The following GLO1 variants were observed in gnomAD, a reference collection of about 807,000 sequenced individuals.
The protein encoded by GLO1 is lactoylglutathione lyase.
GLO1 carries 28 observed loss-of-function variants against 26.0 expected under a neutral mutation model. That is an observed-to-expected ratio of 1.08 (90% CI 0.80 to 1.48). The LOEUF (loss-of-function observed/expected upper bound fraction) is 1.48. Ranked by LOEUF, GLO1 falls within the 40% of genes most tolerant of loss-of-function variation. GLO1 has a pLI of 0.00. For missense variants in GLO1, 225 were observed against 224.8 expected, an observed-to-expected ratio of 1.00 and a Z score of -0.01; for synonymous variants, 78 against 77.6, an observed-to-expected ratio of 1.00 and a Z score of -0.03.
chr6:38,699,171 C>T (rs1233770026), intron 1 of GLO1, among the ~76,000 whole-genome samples: 1 of 152,130 alleles, frequency 6.6e-6, no homozygotes, highest in African/African-American at 2.4e-5. Flanking sequence ...AAGTCAGGGA[C>T]CCCGAATGGA....
chr6:38,679,752 C>T (rs1437851638), intron 5 of GLO1, among the ~76,000 whole-genome samples: 1 of 150,640 alleles, frequency 6.6e-6, no homozygotes, highest in African/African-American at 2.5e-5. Flanking sequence ...TATGATCACA[C>T]CACTGCACTC....
At chr6:38,698,406 T>C (rs909736011) in intron 1 of GLO1, among the ~76,000 whole-genome samples, 4 of 149,624 alleles carry the variant, frequency 2.7e-5, no homozygotes, top group Non-Finnish European at 4.4e-5. Context: ...ATCTACCTGA[T>C]TGGAGAGGGA....
intron 5 of GLO1, 142 bp from the exon 6 acceptor site, chr6:38,677,525 T>A (rs1408257832): frequency 3.3e-6 from 2 of 600,466 alleles, no homozygotes; most frequent in Admixed American, 2.9e-5. Flanking sequence ...AGGCTTGACC[T>A]CCTGAGCTCA....
intron 5 of GLO1, among the ~76,000 whole-genome samples, chr6:38,681,714 A>G (rs1761382762): frequency 6.6e-6 from 1 of 152,190 alleles, no homozygotes; most frequent in Non-Finnish European, 1.5e-5. Context: ...TGAAATAGTG[A>G]AAGCTGGTGG....
At chr6:38,685,847 T>C (rs1761453720) in intron 2 of GLO1, among the ~76,000 whole-genome samples, 1 of 152,138 alleles carries the variant, frequency 6.6e-6, no homozygotes, top group Non-Finnish European at 1.5e-5. Context: ...ACAGGAAGTC[T>C]ACATTAGAGC....
chr6:38,702,595 T>C, intron 1 of GLO1, among the ~76,000 whole-genome samples: 1 of 152,214 alleles, frequency 6.6e-6, no homozygotes, highest in East Asian at 1.9e-4. Context: ...AAAACGAGGC[T>C]GGGCAGGACT....
At chr6:38,681,065 A>AAT in intron 5 of GLO1, among the ~76,000 whole-genome samples, 1 of 151,950 alleles carries the variant, frequency 6.6e-6, no homozygotes, top group East Asian at 1.9e-4. Context: ...TTGGATATTA[A>AAT]ATATATATAT....
intron 5 of GLO1, among the ~76,000 whole-genome samples, chr6:38,678,052 A>G (rs1373110086): frequency 6.6e-6 from 1 of 152,204 alleles, no homozygotes; most frequent in East Asian, 1.9e-4. Flanking sequence ...CCCACAACCA[A>G]AAGACCCAGA....
chr6:38,686,816 A>T, intron 2 of GLO1, 76 bp downstream of exon 2: 3 of 817,242 alleles, frequency 3.7e-6, no homozygotes, highest in Non-Finnish European at 4.1e-6. Flanking sequence ...AAACTTTAAG[A>T]TGGGTCTGAA....
chr6:38,693,685 C>CTCTCTCTCTGTATA (rs869232489), intron 1 of GLO1, among the ~76,000 whole-genome samples: 1 of 86,460 alleles, frequency 1.2e-5, no homozygotes, highest in Non-Finnish European at 2.4e-5. Context: ...CTCTCTCTCT[C>CTCTCTCTCTGTATA]TATATATATA....
chr6:38,683,572 G>C (rs1403250307), intron 3 of GLO1, among the ~76,000 whole-genome samples: 2 of 152,038 alleles, frequency 1.3e-5, no homozygotes, highest in South Asian at 2.1e-4. Flanking sequence ...ACAATTTCAG[G>C]GTCTTATATT....
Position 38,703,126 on chromosome 6 carries a change from G to A in GLO1, c.-72C>T. 4 of 895,716 alleles carry A rather than the reference G, an allele frequency of 4.5e-6. No individual in the cohort carries two copies. Among genetic ancestry groups the A allele is most frequent in the Non-Finnish European group, 1.7e-6 (1 of 572,332 alleles). The allele number at this position is 895,716 out of a possible 1,614,324, so 55.5% of individuals were successfully genotyped here. On this transcript the variant is annotated 5_prime_UTR_variant, in exon 1 of 6. Coordinates refer to ENST00000373365, the MANE Select transcript of GLO1 (RefSeq NM_006708.3). ...GTCACCCACACTACGCCTCGGCCCTGTGCCGCCTTAACTAGGAATGGCGCG... is the reference window on the plus strand; with the variant it reads ...GTCACCCACACTACGCCTCGGCCCTATGCCGCCTTAACTAGGAATGGCGCG...
chr6:38,682,921 T>C, intron 3 of GLO1, 46 bp from the exon 4 acceptor site: 1 of 1,102,142 alleles, frequency 9.1e-7, no homozygotes, highest in East Asian at 2.3e-5. Flanking sequence ...AGGGAATAGA[T>C]ATTCTGAAAA....
At chr6:38,684,199 AG>A (rs1761429704) in intron 3 of GLO1, among the ~76,000 whole-genome samples, 174 bp downstream of exon 3, 1 of 152,216 alleles carries the variant, frequency 6.6e-6, no homozygotes, top group Non-Finnish European at 1.5e-5. Context: ...CATTTGCCCA[AG>A]AACAATACAA....
intron 1 of GLO1, among the ~76,000 whole-genome samples, chr6:38,699,660 G>A (rs1392334633): frequency 6.6e-6 from 1 of 152,140 alleles, no homozygotes; most frequent in Admixed American, 6.5e-5. Flanking sequence ...GGGAATGTCT[G>A]TCTTATGAGG....
At chr6:38,699,982 T>A (rs1167931445) in intron 1 of GLO1, among the ~76,000 whole-genome samples, 1 of 152,158 alleles carries the variant, frequency 6.6e-6, no homozygotes, top group Non-Finnish European at 1.5e-5. Flanking sequence ...CTTTGAAGCA[T>A]GTGATCTTTG....
intron 2 of GLO1, among the ~76,000 whole-genome samples, chr6:38,685,269 A>T (rs1289958659): frequency 6.6e-6 from 1 of 152,204 alleles, no homozygotes; most frequent in Non-Finnish European, 1.5e-5. Context: ...TCTGGAACAA[A>T]GAAGACTTAC....
At chr6:38,678,406 A>AGGAAGGAAGGAAGG (rs376995963) in intron 5 of GLO1, among the ~76,000 whole-genome samples, 2 of 135,286 alleles carry the variant, frequency 1.5e-5, no homozygotes, top group African/African-American at 5.9e-5. Context: ...AAGGAAAAGA[A>AGGAAGGAAGGAAGG]AAGGAAAAGA....
chr6:38,683,684 G>C (rs1352884259), intron 3 of GLO1, among the ~76,000 whole-genome samples: 3 of 151,938 alleles, frequency 2.0e-5, no homozygotes, highest in Non-Finnish European at 4.4e-5. Context: ...TCAGGAGATC[G>C]AGACCATCCT....
Sources: gnomAD v4.1 joint callset for allele counts (sites outside exome capture counted in the v4.1 genomes callset) on GRCh38, gnomAD v4.1.1 for gene constraint, MANE v1.5 for transcripts, NCBI Gene and HGNC (gene_info 2026-07-23, HGNC 2026-07-21) for gene names.